ABCC9: variants seen among roughly 807,000 people sequenced by gnomAD.
ABCC9 encodes ATP-binding cassette sub-family C member 9.
ABCC9 carries 95 observed loss-of-function variants against 188.3 expected under a neutral mutation model. That is an observed-to-expected ratio of 0.50 (90% CI 0.43 to 0.60). The LOEUF is 0.60. Ranked by LOEUF, ABCC9 falls within the 20% of genes least tolerant of loss-of-function variation. The pLI is 0.00. For missense variants in ABCC9, 1,102 were observed against 1,876.3 expected (o/e 0.59, Z 7.62); for synonymous variants, 659 against 652.7 (o/e 1.01, Z -0.15).
Position 21,894,147 on chromosome 12 carries a change from C to T in ABCC9, c.1687G>A (p.Gly563Arg). 1 of 1,613,956 alleles carries T rather than the reference C, an allele frequency of 6.2e-7. No individual in the cohort carries two copies. Among genetic ancestry groups the T allele is most frequent in the Non-Finnish European group, 8.5e-7 (1 of 1,179,978 alleles). Reference sequence around the variant, plus strand: ...GCCTCTGCAGGTTTCAGATTGTTTCCACTGGCATACGCATGGGTCACAAAT... The same window carrying T: ...GCCTCTGCAGGTTTCAGATTGTTTCTACTGGCATACGCATGGGTCACAAAT... The part of the protein sequence containing the change: ...ATFVTHAYAS[G>R]NNLKPAEAFA... Residue 563 changes from glycine to arginine, a missense_variant, in exon 14 of 40, where the codon GGA becomes AGA. Coordinates refer to ENST00000261200, the MANE Select transcript of ABCC9 (RefSeq NM_020297.4).
chr12:21,818,262 G>C lies in ABCC9; in HGVS notation c.3670-11C>G, dbSNP rs774668744. The C allele has an allele frequency of 4.4e-6, 7 of 1,608,960 alleles. No individual in the cohort carries two copies. The highest frequency in any genetic ancestry group is 1.7e-4 in the Middle Eastern group (1 of 6,054). ...AGCTCCCAGATAATCCTTTGAAAAA[G>C]CAAGAGAAAATGTTAAAAGGTTACT... On this transcript the variant is annotated splice_polypyrimidine_tract_variant and intron_variant, in intron 31 of 39. Coordinates refer to ENST00000261200, the MANE Select transcript of ABCC9 (RefSeq NM_020297.4).
At chr12:21,805,915 G>C (rs768436220) in intron 39 of ABCC9, 83 bp downstream of exon 39, 1 of 1,253,328 alleles carries the variant, frequency 8.0e-7, no homozygotes, top group African/African-American at 1.5e-5. Flanking sequence ...TTCAACACAA[G>C]TATATTTTGC....
At chr12:21,849,261 T>C (rs1308104780) in intron 24 of ABCC9, among the ~76,000 whole-genome samples, 2 of 152,172 alleles carry the variant, frequency 1.3e-5, no homozygotes, top group Non-Finnish European at 2.9e-5. Flanking sequence ...GTAGTGACCT[T>C]GGTTGATTTT....
chr12:21,939,244 C>T (rs751221635), intron 2 of ABCC9, among the ~76,000 whole-genome samples: 4 of 152,126 alleles, frequency 2.6e-5, no homozygotes, highest in Non-Finnish European at 4.4e-5. Flanking sequence ...ATTACCTTAC[C>T]GCATGTCTCC....
In ABCC9 at chr12:21,838,273, C is replaced by T. The variant is rs1399832179; in HGVS notation, c.3474-103G>A. 9 of 933,500 alleles carry T rather than the reference C, an allele frequency of 9.6e-6. 1 individual carries two copies. In the East Asian group the frequency reaches 1.2e-4, roughly 13 times the overall value. 57.8% of individuals were successfully genotyped at this position (933,500 alleles called of 1,614,324 possible). On this transcript the variant is annotated intron_variant, in intron 29 of 39. Transcript: ENST00000261200. The stretch of plus-strand genomic sequence containing the variant: ...GTTATTTTGTCACTGTATTTGTTTT[C>T]CTCATTGAAATTTTTTCCCCTAGCA...
chr12:21,867,636 G>C (rs1411539870), intron 18 of ABCC9, among the ~76,000 whole-genome samples: 2 of 152,072 alleles, frequency 1.3e-5, no homozygotes, highest in Non-Finnish European at 2.9e-5. Context: ...ACCCAGGAAA[G>C]CTGACTTAAT....
At chr12:21,821,209 G>C (rs1943017144) in intron 31 of ABCC9, among the ~76,000 whole-genome samples, 1 of 152,120 alleles carries the variant, frequency 6.6e-6, no homozygotes, top group Non-Finnish European at 1.5e-5. Flanking sequence ...AACATGTAAA[G>C]ATACTACAAG....
At chr12:21,883,667 G>A (rs1248692907) in intron 15 of ABCC9, among the ~76,000 whole-genome samples, 2 of 151,978 alleles carry the variant, frequency 1.3e-5, no homozygotes, top group African/African-American at 4.8e-5. Context: ...ACATAAATCA[G>A]ATTGAGCTAC....
At position 21,845,504 on chromosome 12, in the gene ABCC9, A is replaced by G. The variant is rs137914761; in HGVS notation, c.3096+99T>C. On this transcript the variant is annotated intron_variant, in intron 26 of 39. Coordinates refer to ENST00000261200, the MANE Select transcript of ABCC9 (RefSeq NM_020297.4). ...CTTATTAAATTATCACAGAAGTCCT[A>G]TGGCATTTGGGATATAAGCATCTAA... is the stretch of plus-strand genomic sequence containing the variant. 6.1e-4 allele frequency: 547 copies of G among 890,774 alleles called. 1 individual carries two copies. The African/African-American group carries it at 7.9e-3, about 13-fold the overall frequency. 55.2% of individuals were successfully genotyped at this position (890,774 alleles called of 1,614,324 possible). A position where few individuals can be genotyped will look rare whatever the true frequency, so the allele number is the denominator to read the frequency against.
At chr12:21,843,986 A>G (rs1232902145) in intron 28 of ABCC9, among the ~76,000 whole-genome samples, 1 of 152,182 alleles carries the variant, frequency 6.6e-6, no homozygotes, top group African/African-American at 2.4e-5. Flanking sequence ...TTTCAAACAA[A>G]CTTTTAGATT....
At chr12:21,913,570 A>G (rs1455312158) in intron 7 of ABCC9, among the ~76,000 whole-genome samples, 1 of 152,128 alleles carries the variant, frequency 6.6e-6, no homozygotes, top group East Asian at 1.9e-4. Flanking sequence ...TCCCAACTTC[A>G]AGTTGTTTCT....
At chr12:21,815,598 G>A (rs1942556393) in intron 34 of ABCC9, among the ~76,000 whole-genome samples, 165 bp downstream of exon 34, 2 of 152,114 alleles carry the variant, frequency 1.3e-5, no homozygotes, top group Admixed American at 6.6e-5. Flanking sequence ...ATGTACTGTA[G>A]TCTGATCCTA....
chr12:21,823,085 A>G (rs1346211328), intron 31 of ABCC9, among the ~76,000 whole-genome samples: 2 of 152,202 alleles, frequency 1.3e-5, no homozygotes, highest in African/African-American at 2.4e-5. Context: ...CCTTCCATCC[A>G]AATGATACAA....
At chr12:21,920,406 T>A (rs959281925) in intron 5 of ABCC9, among the ~76,000 whole-genome samples, 3 of 152,072 alleles carry the variant, frequency 2.0e-5, no homozygotes, top group African/African-American at 7.2e-5. Context: ...AGATACAAAG[T>A]CAACATACAA....
intron 20 of ABCC9, among the ~76,000 whole-genome samples, chr12:21,861,371 C>G (rs1229123552): frequency 6.6e-6 from 1 of 152,002 alleles, no homozygotes; most frequent in East Asian, 1.9e-4. Flanking sequence ...GCTGGGATTA[C>G]AGATGTGCAC....
At chr12:21,937,665 T>C (rs1382810185) in intron 2 of ABCC9, among the ~76,000 whole-genome samples, 1 of 152,212 alleles carries the variant, frequency 6.6e-6, no homozygotes, top group African/African-American at 2.4e-5. Flanking sequence ...ACTTATTTTA[T>C]AATGCCTACT....
At chr12:21,862,208 C>T (rs1945553138) in intron 20 of ABCC9, among the ~76,000 whole-genome samples, 1 of 152,060 alleles carries the variant, frequency 6.6e-6, no homozygotes, top group Admixed American at 6.6e-5. Context: ...TCCTAAATGT[C>T]TCCATATATA....
chr12:21,919,291 C>CAGTT (rs1285176555), intron 5 of ABCC9, among the ~76,000 whole-genome samples: 5 of 151,820 alleles, frequency 3.3e-5, no homozygotes, highest in African/African-American at 9.7e-5. Flanking sequence ...CCTAGCTAGA[C>CAGTT]AGTTCAAGAA....
chr12:21,812,249 G>T (rs368186860), intron 35 of ABCC9, 92 bp from the exon 36 acceptor site: 2 of 1,015,392 alleles, frequency 2.0e-6, no homozygotes, highest in Admixed American at 1.8e-5. Flanking sequence ...CTTAGTTAGG[G>T]GTTGAAATTC....
Sources: allele counts gnomAD v4.1 joint callset (sites outside exome capture counted in the v4.1 genomes callset), GRCh38; gene constraint gnomAD v4.1.1; transcripts MANE v1.5; gene names NCBI Gene and HGNC (gene_info 2026-07-23, HGNC 2026-07-21).